The following MPP7 variants were observed in gnomAD, a reference collection of about 807,000 sequenced individuals.
MPP7 encodes MAGUK p55 subfamily member 7.
A neutral mutation model predicts 76.5 loss-of-function variants in MPP7; 60 were observed. The ratio of observed to expected loss-of-function variants is 0.78; its 90% CI spans 0.64 to 0.97. The LOEUF (loss-of-function observed/expected upper bound fraction) is 0.97. Among genes scored for constraint, MPP7 ranks in the 50% least tolerant of loss-of-function variants. The pLI is 0.00. For synonymous variants in MPP7, 237 were observed against 244.5 expected, an observed-to-expected ratio of 0.97 and a Z score of 0.29; for missense variants, 641 against 694.0, an observed-to-expected ratio of 0.92 and a Z score of 0.86.
intron 3 of MPP7, among the ~76,000 whole-genome samples, chr10:28,197,874 T>C (rs1274047100): frequency 6.6e-6 from 1 of 152,232 alleles, no homozygotes; most frequent in East Asian, 1.9e-4. Flanking sequence ...AAATATATTG[T>C]ATACTCCATA....
intron 2 of MPP7, among the ~76,000 whole-genome samples, chr10:28,207,496 C>T (rs1413657421): frequency 1.4e-4 from 21 of 151,914 alleles, no homozygotes; most frequent in Admixed American, 1.4e-3. Flanking sequence ...CCAACCTGGG[C>T]AACACAGTGA....
At chr10:28,316,390 G>A (rs1018080167) in intron 2 of MPP7, among the ~76,000 whole-genome samples, 17 of 134,552 alleles carry the variant, frequency 1.3e-4, no homozygotes, top group South Asian at 2.6e-4. Flanking sequence ...AGCTGAGATC[G>A]TGCCACTGCA....
intron 11 of MPP7, among the ~76,000 whole-genome samples, chr10:28,116,371 GAC>G (rs1834663565): frequency 6.6e-6 from 1 of 152,034 alleles, no homozygotes; most frequent in Non-Finnish European, 1.5e-5. Flanking sequence ...AAATTATATT[GAC>G]ACAAGAAATG....
chr10:28,164,789 G>A (rs1836390032), intron 3 of MPP7, among the ~76,000 whole-genome samples: 1 of 152,054 alleles, frequency 6.6e-6, no homozygotes. Flanking sequence ...CTTTGTAAGA[G>A]ACATTGGAGA....
intron 3 of MPP7, among the ~76,000 whole-genome samples, chr10:28,166,863 C>T (rs1029254260): frequency 5.3e-5 from 8 of 152,082 alleles, no homozygotes; most frequent in East Asian, 1.9e-4. Flanking sequence ...TTCAACATTA[C>T]GGTTTTGGAG....
At chr10:28,202,762 CA>C (rs1163383765) in intron 2 of MPP7, 1 of 150,486 alleles carries the variant, frequency 6.6e-6, no homozygotes, top group Non-Finnish European at 1.5e-5. Context: ...ATCTAACATC[CA>C]AAAGAAAGTC....
At chr10:28,235,453 G>A (rs1385170648) in intron 2 of MPP7, among the ~76,000 whole-genome samples, 3 of 152,052 alleles carry the variant, frequency 2.0e-5, no homozygotes, top group Admixed American at 2.0e-4. Flanking sequence ...AGATCATACA[G>A]CCAAGAAAGA....
intron 2 of MPP7, among the ~76,000 whole-genome samples, chr10:28,210,298 T>C (rs1838089365): frequency 6.6e-6 from 1 of 152,206 alleles, no homozygotes; most frequent in Admixed American, 6.5e-5. Flanking sequence ...TCACAGTTTT[T>C]ACTACAATGC....
chr10:28,317,363 A>G (rs1834333863), intron 2 of MPP7, among the ~76,000 whole-genome samples: 1 of 152,106 alleles, frequency 6.6e-6, no homozygotes, highest in South Asian at 2.1e-4. Flanking sequence ...GCCCATCTTT[A>G]CCAAAAATAA....
intron 2 of MPP7, among the ~76,000 whole-genome samples, chr10:28,316,443 A>T: frequency 1.4e-5 from 1 of 72,950 alleles, no homozygotes; most frequent in African/African-American, 9.9e-5. Context: ...TTTAAAAAAA[A>T]AAAAAAAAAA....
At chr10:28,184,537 T>C (rs1837165420) in intron 3 of MPP7, among the ~76,000 whole-genome samples, 1 of 149,180 alleles carries the variant, frequency 6.7e-6, no homozygotes, top group African/African-American at 2.4e-5. Context: ...GGTGAAACTC[T>C]GTCTCTACTA....
intron 13 of MPP7, among the ~76,000 whole-genome samples, chr10:28,066,736 T>TTA (rs1328651399): frequency 2.0e-5 from 3 of 152,204 alleles, no homozygotes; most frequent in Non-Finnish European, 4.4e-5. Context: ...AATGTTGCCT[T>TTA]TATTGCAATT....
upstream of MPP7, among the ~76,000 whole-genome samples, chr10:28,305,064 A>C (rs1841244393): frequency 6.6e-6 from 1 of 152,226 alleles, no homozygotes; most frequent in African/African-American, 2.4e-5. Flanking sequence ...GGAAAGGAGA[A>C]AAATGCTTTA....
intron 2 of MPP7, among the ~76,000 whole-genome samples, chr10:28,327,669 T>C (rs139144453): frequency 1.7e-3 from 264 of 152,346 alleles, no homozygotes; most frequent in African/African-American, 6.0e-3. Context: ...GGGTGAATCA[T>C]GCTGAGACCA....
chr10:28,273,473 A>C (rs1239222152), intron 1 of MPP7, among the ~76,000 whole-genome samples: 1 of 152,236 alleles, frequency 6.6e-6, no homozygotes, highest in African/African-American at 2.4e-5. Flanking sequence ...TTACAAGGTA[A>C]GTGGAGACAG....
chr10:28,054,144 GC>G lies in MPP7; in HGVS notation c.1651del (p.Ala551HisfsTer12). On this transcript the variant is annotated frameshift_variant, in exon 17 of 17. Transcript: ENST00000683449. LOFTEE classifies it high-confidence loss of function. ...KIIINDDLTVAFNELKTTFDK... is the reference protein window; with the variant it reads ...KIIINDDLTVXFNELKTTFDK... The stretch of plus-strand genomic sequence containing the variant: ...AAAAGTTGTTTTGAGCTCATTGAAT[GC>G]CACAGTGAGGTCATCATTTATTATA... 1 of 1,610,940 alleles carries G rather than the reference GC, an allele frequency of 6.2e-7. No individual in the cohort carries two copies. Among genetic ancestry groups the G allele is most frequent in the Non-Finnish European group, 8.5e-7 (1 of 1,177,488 alleles).
At chr10:28,184,600 C>T (rs895183988) in intron 3 of MPP7, among the ~76,000 whole-genome samples, 1 of 149,228 alleles carries the variant, frequency 6.7e-6, no homozygotes, top group Non-Finnish European at 1.5e-5. Flanking sequence ...CCCAGCTACT[C>T]GGTAGGCTGA....
Position 28,317,780 on chromosome 10 carries a change from C to T in MPP7, c.-132+12149G>A, listed in dbSNP as rs116686704. On this transcript the variant is annotated intron_variant, in intron 2 of 11. Transcript: ENST00000441595. ...GGGTAGGTCACGATTTCAGGGTGGC[C>T]GCCATGCCTGGTCCAAGCAGTTGCT... Among the ~76,000 whole-genome samples the T allele has an allele frequency of 8.0e-3, 1,217 of 152,226 alleles. 15 individuals carry two copies. Among genetic ancestry groups the T allele is most frequent in the African/African-American group, 0.028 (1,143 of 41,520 alleles).
chr10:28,059,688 A>C lies in MPP7; in HGVS notation c.1260T>G (p.Ile420Met). The change falls in exon 14 of 17, where the codon ATT becomes ATG. Residue 420 changes from isoleucine to methionine, a missense_variant. Coordinates refer to ENST00000683449, the MANE Select transcript of MPP7 (RefSeq NM_001318170.2). ...QESDGVEYIF[I>M]SKHLFETDVQ... is the part of the protein sequence containing the mutation. ...CATCTGTCTCAAACAAATGCTTGGA[A>C]ATGAAAATGTATTCAACACCATCAC... is the stretch of plus-strand genomic sequence containing the variant. 6.2e-7 allele frequency: 1 copy of C among 1,613,632 alleles called. No individual in the cohort carries two copies. The highest frequency in any genetic ancestry group is 1.3e-5 in the African/African-American group (1 of 75,018).
Sources: gnomAD v4.1 joint callset for allele counts (sites outside exome capture counted in the v4.1 genomes callset) on GRCh38, gnomAD v4.1.1 for gene constraint, MANE v1.5 for transcripts, NCBI Gene and HGNC (gene_info 2026-07-23, HGNC 2026-07-21) for gene names.